Variants in TCERG1L observed in about 807,000 individuals in gnomAD.
TCERG1L encodes the protein transcription elongation regulator 1-like protein.
Under a neutral mutation model 56.3 loss-of-function variants are expected in TCERG1L, and 37 were observed. That is an observed-to-expected ratio of 0.66 (90% confidence interval 0.51 to 0.87). TCERG1L has a LOEUF of 0.87. Among genes scored for constraint, TCERG1L ranks in the 40% least tolerant of loss-of-function variants. The pLI, the probability that TCERG1L is intolerant of heterozygous loss-of-function variation, is 0.00. For synonymous variants in TCERG1L, 324 were observed against 326.3 expected (o/e 0.99, Z 0.08); for missense variants, 799 against 774.2 (o/e 1.03, Z -0.38).
At chr10:131,297,423 A>C (rs1214645236) in intron 3 of TCERG1L, among the ~76,000 whole-genome samples, 2 of 151,770 alleles carry the variant, frequency 1.3e-5, no homozygotes, top group African/African-American at 4.8e-5. Flanking sequence ...AAAATAAAAA[A>C]CTCTCTTGGT....
At chr10:131,136,763 T>C (rs1845679697) in intron 7 of TCERG1L, among the ~76,000 whole-genome samples, 1 of 151,554 alleles carries the variant, frequency 6.6e-6, no homozygotes, top group African/African-American at 2.4e-5. Context: ...TCCATAATGC[T>C]GGGATTACAG....
chr10:131,267,435 G>T lies in TCERG1L; in HGVS notation c.671-6991C>A, dbSNP rs1850234028. On this transcript the variant is annotated intron_variant, in intron 3 of 11. Coordinates refer to ENST00000368642, the MANE Select transcript of TCERG1L (RefSeq NM_174937.4). The surrounding 1 kb of genome is among the most constrained non-coding windows in gnomAD (Gnocchi z 4.9). The stretch of plus-strand genomic sequence containing the variant: ...GCCCACAGCTGCAACCTGGGTGGCT[G>T]CAACTGAGCCTCGGCAGCTCCCACA... Among the ~76,000 whole-genome samples the T allele has an allele frequency of 6.6e-6, 1 of 152,252 alleles. No homozygotes were observed. The highest frequency in any genetic ancestry group is 6.5e-5 in the Admixed American group (1 of 15,292).
chr10:131,202,057 C>T (rs2918132), intron 4 of TCERG1L, among the ~76,000 whole-genome samples: 103,511 of 152,122 alleles, frequency 0.68, 35,589 homozygotes, highest in East Asian at 0.95. Context: ...CTGGGTTAAA[C>T]AGACAAACTA....
At chr10:131,152,579 T>C (rs1845877546) in intron 6 of TCERG1L, among the ~76,000 whole-genome samples, 2 of 152,236 alleles carry the variant, frequency 1.3e-5, no homozygotes, top group African/African-American at 4.8e-5. Flanking sequence ...CATTTTGCTA[T>C]CTTTTTCTGA....
chr10:131,125,085 C>A (rs936254642), intron 8 of TCERG1L, among the ~76,000 whole-genome samples: 1 of 152,120 alleles, frequency 6.6e-6, no homozygotes, highest in Admixed American at 6.5e-5. Flanking sequence ...AATGGCTGGT[C>A]TAGAAATAGT....
At chr10:131,135,338 T>C (rs945264939) in intron 7 of TCERG1L, among the ~76,000 whole-genome samples, 2 of 152,154 alleles carry the variant, frequency 1.3e-5, no homozygotes, top group Non-Finnish European at 2.9e-5. Flanking sequence ...CAGTGACCGC[T>C]GAGCCTGCAC....
chr10:131,137,903 G>A (rs1397221472), intron 7 of TCERG1L, among the ~76,000 whole-genome samples: 1 of 152,144 alleles, frequency 6.6e-6, no homozygotes, highest in African/African-American at 2.4e-5. Flanking sequence ...CAAGCTGTAG[G>A]GGGATTAGAA....
intron 7 of TCERG1L, among the ~76,000 whole-genome samples, chr10:131,141,946 G>T (rs901848558): frequency 1.3e-5 from 2 of 152,128 alleles, no homozygotes; most frequent in Non-Finnish European, 2.9e-5. Flanking sequence ...CCCTTCCCTT[G>T]CACCGGCTGC....
intron 11 of TCERG1L, 57 bp downstream of exon 11, chr10:131,098,249 T>C (rs1845269134): frequency 1.3e-6 from 2 of 1,520,266 alleles, no homozygotes; most frequent in African/African-American, 2.8e-5. Context: ...AAGAGTCCTC[T>C]TGTCATTGGT....
chr10:131,162,747 C>T (rs573577561), intron 6 of TCERG1L: 67 of 169,956 alleles, frequency 3.9e-4, no homozygotes, highest in African/African-American at 1.2e-3. Context: ...ACAGAGAGAA[C>T]AGGCACGTCT....
intron 4 of TCERG1L, among the ~76,000 whole-genome samples, chr10:131,195,721 C>T (rs1020247936): frequency 1.1e-4 from 16 of 152,338 alleles, no homozygotes; most frequent in South Asian, 1.0e-3. Context: ...CTGTGTCCCA[C>T]CACCCTTCCC....
chr10:131,178,856 A>G (rs1166758773), intron 4 of TCERG1L, among the ~76,000 whole-genome samples: 38 of 152,196 alleles, frequency 2.5e-4, no homozygotes, highest in Non-Finnish European at 2.9e-5. Context: ...ATGGGACTCC[A>G]CTGTACACTC....
At chr10:131,250,712 C>T (rs1846100685) in intron 4 of TCERG1L, among the ~76,000 whole-genome samples, 2 of 152,134 alleles carry the variant, frequency 1.3e-5, no homozygotes, top group African/African-American at 4.8e-5. Flanking sequence ...TCCTCCTAGC[C>T]CGGGAGCCCA....
chr10:131,201,717 C>T (rs1281753275), intron 4 of TCERG1L, among the ~76,000 whole-genome samples: 3 of 152,196 alleles, frequency 2.0e-5, no homozygotes, highest in Admixed American at 6.5e-5. Context: ...TATTTAATCT[C>T]CGAATTTTAC....
In TCERG1L at chr10:131,104,284, T is replaced by A; in HGVS notation, c.1466A>T (p.Asn489Ile). ...AGTTACCTGCTTTCGTTCCTCAGAG[T>A]TGAGCAGGAGATAGCGTGGGTCAAA... is the stretch of plus-strand genomic sequence containing the variant. ...IVFDPRYLLLNSEERKQIFEQ... is the reference protein window; with the variant it reads ...IVFDPRYLLLISEERKQIFEQ... The change falls in exon 10 of 12, where the codon AAC becomes ATC. Residue 489 changes from asparagine to isoleucine, a missense_variant. By Grantham distance (149) the Asn-to-Ile change is moderately radical. Transcript: ENST00000368642. The A allele has an allele frequency of 6.5e-7, 1 of 1,550,158 alleles. No homozygotes were observed. Among genetic ancestry groups the A allele is most frequent in the East Asian group, 2.4e-5 (1 of 40,908 alleles).
intron 3 of TCERG1L, among the ~76,000 whole-genome samples, chr10:131,291,631 T>A (rs1440650603): frequency 1.3e-5 from 2 of 151,708 alleles, no homozygotes; most frequent in East Asian, 3.9e-4. Context: ...TTTCACCGTG[T>A]TAGCCAAGGT....
At chr10:131,163,327 C>T (rs939024255) in intron 5 of TCERG1L, 117 bp from the exon 6 acceptor site, 15 of 789,838 alleles carry the variant, frequency 1.9e-5, no homozygotes, top group African/African-American at 8.8e-5. Context: ...ATAGTAGCCA[C>T]GAGATAATGA....
At chr10:131,276,211 C>T (rs1589769456) in intron 3 of TCERG1L, among the ~76,000 whole-genome samples, 1 of 152,192 alleles carries the variant, frequency 6.6e-6, no homozygotes, top group South Asian at 2.1e-4. Context: ...GGGAATCCAG[C>T]AACATCCCTC....
rs554942911 is a variant in TCERG1L, at chr10:131,180,182, G to A, written c.857-13297C>T. 4.6e-5 allele frequency among the ~76,000 whole-genome samples: 7 copies of A among 152,246 alleles called. 1 individual carries two copies. The South Asian group carries it at 1.2e-3, about 27-fold the overall frequency. On this transcript the variant is annotated intron_variant, in intron 4 of 11. Coordinates refer to ENST00000368642, the MANE Select transcript of TCERG1L (RefSeq NM_174937.4). ...GAGACCCCAAGGATGGGTAGGGATG[G>A]GATAAAGAAGAATCTATATGATACG...
Sources: gnomAD v4.1 joint callset for allele counts (sites outside exome capture counted in the v4.1 genomes callset) on GRCh38, gnomAD v4.1.1 for gene constraint, Gnocchi (gnomAD v3.1) non-coding constraint, MANE v1.5 for transcripts, NCBI Gene and HGNC (gene_info 2026-07-23, HGNC 2026-07-21) for gene names.